CPA4: variants seen among roughly 807,000 people sequenced by gnomAD.
CPA4 encodes the protein carboxypeptidase A4.
CPA4 carries 49 observed loss-of-function variants against 54.7 expected under a neutral mutation model. The observed-to-expected ratio is 0.90, with a 90% confidence interval of 0.71 to 1.14. CPA4 has a LOEUF of 1.14. CPA4 is among the 50% of genes most tolerant of loss of function. CPA4 has a pLI of 0.00. For missense variants in CPA4, 487 were observed against 525.1 expected, an observed-to-expected ratio of 0.93 and a Z score of 0.71; for synonymous variants, 215 against 206.8, an observed-to-expected ratio of 1.04 and a Z score of -0.34.
intron 3 of CPA4, among the ~76,000 whole-genome samples, chr7:130,299,943 C>T (rs1050054486): frequency 6.6e-6 from 1 of 152,184 alleles, no homozygotes; most frequent in Non-Finnish European, 1.5e-5. Flanking sequence ...TGGATAGCCC[C>T]AGCAGAGGGA....
chr7:130,300,383 T>C (rs965557071), intron 3 of CPA4, among the ~76,000 whole-genome samples: 1 of 147,878 alleles, frequency 6.8e-6, no homozygotes, highest in East Asian at 2.0e-4. Flanking sequence ...TTCGCCAGGC[T>C]AGAGTATAAT....
At position 130,318,523 on chromosome 7, in the gene CPA4, TG is replaced by T. The variant is rs563031357; in HGVS notation, c.1079-3965del. Among the ~76,000 whole-genome samples, 166 of 152,310 alleles carry T rather than the reference TG, an allele frequency of 1.1e-3. 3 individuals are homozygous for T. The South Asian group carries it at 0.03, about 27-fold the overall frequency. Reference sequence around the variant, plus strand: ...GCCTCCCAGGTTCAAGCGATTCCCCTGCCTCAGCCTCCCGAGTAACTGGGAT... The same window carrying T: ...GCCTCCCAGGTTCAAGCGATTCCCCTCCTCAGCCTCCCGAGTAACTGGGAT... On this transcript the variant is annotated intron_variant, in intron 10 of 10. Coordinates refer to ENST00000222482, the MANE Select transcript of CPA4 (RefSeq NM_016352.4).
intron 4 of CPA4, among the ~76,000 whole-genome samples, chr7:130,304,055 T>TG (rs1793780022): frequency 1.3e-5 from 2 of 151,630 alleles, no homozygotes; most frequent in African/African-American, 2.4e-5. Flanking sequence ...CTTGTAGAGA[T>TG]GGGGTCTCAC....
chr7:130,306,201 C>A (rs1034645578), intron 6 of CPA4: 2 of 467,992 alleles, frequency 4.3e-6, no homozygotes, highest in Admixed American at 3.6e-5. Context: ...CAGAGCAACA[C>A]CCAGACAAGG....
intron 7 of CPA4, among the ~76,000 whole-genome samples, chr7:130,307,234 G>A (rs973039189): frequency 4.4e-5 from 6 of 137,400 alleles, no homozygotes; most frequent in African/African-American, 1.6e-4. Context: ...ATCTCTAACT[G>A]ACGATAGAAA....
chr7:130,311,063 C>A, intron 9 of CPA4, 77 bp downstream of exon 9: 1 of 1,180,446 alleles, frequency 8.5e-7, no homozygotes, highest in Non-Finnish European at 1.3e-6. Flanking sequence ...AGCTCTGCAG[C>A]TTTATAGGGA....
At chr7:130,312,261 G>A (rs1793926863) in intron 10 of CPA4, 139 bp downstream of exon 10, 5 of 647,266 alleles carry the variant, frequency 7.7e-6, no homozygotes, top group African/African-American at 1.8e-5. Flanking sequence ...ACTACATCAT[G>A]CCTGTGTGGT....
chr7:130,318,990 T>A (rs1419642629), intron 10 of CPA4, among the ~76,000 whole-genome samples: 1 of 152,224 alleles, frequency 6.6e-6, no homozygotes, highest in Non-Finnish European at 1.5e-5. Flanking sequence ...CCTTTTTTCA[T>A]GGTTAAGTGT....
intron 7 of CPA4, among the ~76,000 whole-genome samples, chr7:130,307,747 T>A (rs74583282): frequency 2.6e-3 from 403 of 152,122 alleles, no homozygotes; most frequent in African/African-American, 9.1e-3. Context: ...CTACAGCAGC[T>A]CCCACACACA....
At chr7:130,306,943 T>A (rs1793831277) in intron 7 of CPA4, 46 bp downstream of exon 7, 2 of 1,021,852 alleles carry the variant, frequency 2.0e-6, no homozygotes, top group East Asian at 4.7e-5. Context: ...TTGAATTCCT[T>A]GCTTTGCCAC....
chr7:130,294,695 C>G (rs1354384443), intron 1 of CPA4, among the ~76,000 whole-genome samples: 1 of 152,250 alleles, frequency 6.6e-6, no homozygotes, highest in Non-Finnish European at 1.5e-5. Flanking sequence ...TGTGCCTGAG[C>G]TGACTGCAGA....
intron 6 of CPA4, 27 bp from the exon 7 acceptor site, chr7:130,306,760 G>T (rs763469292): frequency 1.3e-5 from 18 of 1,350,146 alleles, no homozygotes; most frequent in Non-Finnish European, 1.8e-5. Flanking sequence ...CCATGGGATA[G>T]CTGACAAGCA....
chr7:130,301,154 C>T (rs1793733605), intron 4 of CPA4, among the ~76,000 whole-genome samples: 1 of 152,234 alleles, frequency 6.6e-6, no homozygotes, highest in Admixed American at 6.5e-5. Flanking sequence ...CCTTAAGCAA[C>T]TCTTTCAGAA....
chr7:130,298,419 G>A (rs78344050), intron 1 of CPA4, among the ~76,000 whole-genome samples: 2,524 of 152,280 alleles, frequency 0.017, 32 homozygotes, highest in Non-Finnish European at 0.026. Context: ...CCCACGACCC[G>A]AACATAAGGG....
chr7:130,317,811 C>G (rs1331801865), intron 10 of CPA4, among the ~76,000 whole-genome samples: 1 of 152,062 alleles, frequency 6.6e-6, no homozygotes, highest in Non-Finnish European at 1.5e-5. Flanking sequence ...AATAGTTGAT[C>G]CACCCTCAGA....
chr7:130,305,134 C>T (rs545765477), intron 5 of CPA4, among the ~76,000 whole-genome samples: 1 of 152,234 alleles, frequency 6.6e-6, no homozygotes, highest in East Asian at 1.9e-4. Flanking sequence ...GGAATTTGGG[C>T]GTATAACCCA....
At chr7:130,298,172 C>T (rs983832221) in intron 1 of CPA4, among the ~76,000 whole-genome samples, 3 of 152,136 alleles carry the variant, frequency 2.0e-5, no homozygotes, top group Non-Finnish European at 4.4e-5. Context: ...TGTTTTAAGA[C>T]GGCACAGCTC....
chr7:130,298,501 A>G (rs1793688183), intron 1 of CPA4, among the ~76,000 whole-genome samples: 1 of 152,198 alleles, frequency 6.6e-6, no homozygotes, highest in Admixed American at 6.5e-5. Flanking sequence ...ACTTATAATC[A>G]TGGCATACAT....
chr7:130,300,986 C>A, intron 4 of CPA4, 72 bp downstream of exon 4: 2 of 925,564 alleles, frequency 2.2e-6, no homozygotes, highest in East Asian at 2.5e-5. Context: ...TCCTTACTTC[C>A]AGGAGACATT....
Sources: allele counts gnomAD v4.1 joint callset (sites outside exome capture counted in the v4.1 genomes callset), GRCh38; gene constraint gnomAD v4.1.1; transcripts MANE v1.5; gene names NCBI Gene and HGNC (gene_info 2026-07-23, HGNC 2026-07-21).